Variants in ZNF90 observed in about 807,000 individuals in gnomAD.
The protein encoded by ZNF90 is zinc finger protein HTF9.
Under a neutral mutation model 12.0 loss-of-function variants are expected in ZNF90, and 11 were observed. The observed-to-expected ratio is 0.92, with a 90% confidence interval of 0.58 to 1.52. ZNF90 has a LOEUF of 1.52. Among genes scored for constraint, ZNF90 ranks in the 40% most tolerant of loss-of-function variants. The pLI, the probability that ZNF90 is intolerant of heterozygous loss-of-function variation, is 0.00. For missense variants in ZNF90, 765 were observed against 711.5 expected (o/e 1.08, Z -0.86); for synonymous variants, 232 against 240.1 (o/e 0.97, Z 0.31).
rs781993351 is a variant in ZNF90, at chr19:20,119,274, T to G, written c.1720T>G (p.Phe574Val). ...CAAATGTGAAGAATGTGGCAAAGCT[T>G]TTAACTTGTCCTCAGACCTTAATAC... The part of the protein sequence containing the change: ...PYKCEECGKA[F>V]NLSSDLNTHK... Residue 574 changes from phenylalanine (F) to valine (V), a missense_variant, in exon 4 of 4, where the codon TTT becomes GTT. Phe to Val is a conservative substitution (Grantham distance 50). Transcript: ENST00000418063. 3.7e-6 allele frequency: 6 copies of G among 1,613,684 alleles called. No individual in the cohort carries two copies. The East Asian group carries it at 1.1e-4, about 30-fold the overall frequency.
intron 1 of ZNF90, among the ~76,000 whole-genome samples, chr19:20,099,483 G>C (rs1344949935): frequency 6.6e-6 from 1 of 152,182 alleles, no homozygotes; most frequent in Non-Finnish European, 1.5e-5. Flanking sequence ...TTCCTCCTAG[G>C]TCAGCTCAGA....
rs2089189956 is a variant in ZNF90, at chr19:20,120,975, A to G, written c.*1615A>G. On this transcript the variant is annotated 3_prime_UTR_variant, in exon 4 of 4. Transcript: ENST00000418063. Reference sequence around the variant, plus strand: ...TTAAAGAGAAAGGATATTAAAATGTAAGATGCATGATGAAAATATAAGTGG... The same window carrying G: ...TTAAAGAGAAAGGATATTAAAATGTGAGATGCATGATGAAAATATAAGTGG... The G allele has an allele frequency of 6.6e-6, 1 of 152,610 alleles. No homozygotes were observed. Among genetic ancestry groups the G allele is most frequent in the Non-Finnish European group, 1.5e-5 (1 of 68,274 alleles). The allele number at this position is 152,610 out of a possible 1,614,324, so 9.5% of individuals were successfully genotyped here.
chr19:20,094,559 G>A (rs2088927602), intron 1 of ZNF90, among the ~76,000 whole-genome samples: 1 of 152,142 alleles, frequency 6.6e-6, no homozygotes, highest in South Asian at 2.1e-4. Context: ...ATCTCGCCTA[G>A]CTATACCTGG....
chr19:20,120,271 G>A lies in ZNF90; in HGVS notation c.*911G>A, dbSNP rs782264891. On this transcript the variant is annotated 3_prime_UTR_variant, in exon 4 of 4. Coordinates refer to ENST00000418063, the MANE Select transcript of ZNF90 (RefSeq NM_007138.2). Reference sequence around the variant, plus strand: ...AGAAGGTGGTTCACAGTTAATGAAAGCATTTAAAGTGCAATTATGCTCAAG... The same window carrying A: ...AGAAGGTGGTTCACAGTTAATGAAAACATTTAAAGTGCAATTATGCTCAAG... 2.0e-5 allele frequency among the ~76,000 whole-genome samples: 3 copies of A among 152,176 alleles called. No individual in the cohort carries two copies. Among genetic ancestry groups the A allele is most frequent in the Non-Finnish European group, 4.4e-5 (3 of 68,030 alleles).
intron 1 of ZNF90, chr19:20,087,044 A>G (rs2088864911): frequency 6.6e-6 from 1 of 152,212 alleles, no homozygotes; most frequent in African/African-American, 2.4e-5. Flanking sequence ...TGTCAGATGT[A>G]TTTCAATATA....
At chr19:20,113,399 G>T (rs1445105051) in intron 3 of ZNF90, among the ~76,000 whole-genome samples, 1 of 151,988 alleles carries the variant, frequency 6.6e-6, no homozygotes, top group Non-Finnish European at 1.5e-5. Flanking sequence ...CACTATGTTG[G>T]TCAGGCTGGT....
chr19:20,087,509 C>G (rs1229439934), intron 1 of ZNF90: 1 of 152,216 alleles, frequency 6.6e-6, no homozygotes, highest in Non-Finnish European at 1.5e-5. Context: ...ATTTCCATTA[C>G]TGTGAAGGTG....
intron 3 of ZNF90, chr19:20,117,546 T>A: frequency 2.1e-6 from 2 of 973,942 alleles, no homozygotes; most frequent in African/African-American, 3.5e-5. Flanking sequence ...CAAGCAATTC[T>A]CTGCCTCAGC....
At position 20,120,115 on chromosome 19, in the gene ZNF90, G is replaced by T. The variant is rs146590659; in HGVS notation, c.*755G>T. On this transcript the variant is annotated 3_prime_UTR_variant, in exon 4 of 4. Coordinates refer to ENST00000418063, the MANE Select transcript of ZNF90 (RefSeq NM_007138.2). ...ATACTGGCAAAACTCCTACAAGTGTGAAGAATGTGGGAAAACTTTTTAATC... is the reference window on the plus strand; with the variant it reads ...ATACTGGCAAAACTCCTACAAGTGTTAAGAATGTGGGAAAACTTTTTAATC... Among the ~76,000 whole-genome samples, 179 of 152,348 alleles carry T rather than the reference G, an allele frequency of 1.2e-3. 5 individuals carry two copies. Among genetic ancestry groups the T allele is most frequent in the South Asian group, 0.011 (54 of 4,830 alleles).
intron 1 of ZNF90, among the ~76,000 whole-genome samples, chr19:20,079,469 A>C (rs1176180841): frequency 6.6e-6 from 1 of 151,770 alleles, no homozygotes; most frequent in African/African-American, 2.4e-5. Context: ...AATGAATTCC[A>C]AAAACATATT....
chr19:20,101,799 C>G (rs1332415576), intron 1 of ZNF90, among the ~76,000 whole-genome samples: 1 of 152,178 alleles, frequency 6.6e-6, no homozygotes, highest in East Asian at 1.9e-4. Context: ...GTAAACATGT[C>G]TCAGATGCAG....
At chr19:20,104,197 C>A in intron 1 of ZNF90, 42 bp from the exon 2 acceptor site, 1 of 1,608,166 alleles carries the variant, frequency 6.2e-7, no homozygotes, top group Non-Finnish European at 8.5e-7. Context: ...TTGCCCATGA[C>A]CACTTGGTAA....
intron 1 of ZNF90, among the ~76,000 whole-genome samples, chr19:20,101,217 G>A (rs11671081): frequency 0.041 from 6,221 of 152,288 alleles, 184 homozygotes; most frequent in Non-Finnish European, 0.066. Flanking sequence ...GCATGGCTAA[G>A]TGCTCGGGTT....
At chr19:20,114,438 A>G (rs1397948614) in intron 3 of ZNF90, among the ~76,000 whole-genome samples, 1 of 152,154 alleles carries the variant, frequency 6.6e-6, no homozygotes, top group Non-Finnish European at 1.5e-5. Flanking sequence ...CAAACACCAC[A>G]TTGTTTTCTG....
intron 1 of ZNF90, among the ~76,000 whole-genome samples, chr19:20,091,962 A>T (rs1195265046): frequency 6.6e-6 from 1 of 152,092 alleles, no homozygotes; most frequent in African/African-American, 2.4e-5. Flanking sequence ...TTTGCTGGTG[A>T]GTGGTGATTA....
intron 1 of ZNF90, among the ~76,000 whole-genome samples, chr19:20,096,603 A>T (rs922401129): frequency 6.6e-6 from 1 of 152,118 alleles, no homozygotes; most frequent in Non-Finnish European, 1.5e-5. Context: ...TCACAAGGTA[A>T]TGTCATCAGT....
chr19:20,078,216 C>T, intron 1 of ZNF90, 81 bp downstream of exon 1: 1 of 1,571,794 alleles, frequency 6.4e-7, no homozygotes, highest in Admixed American at 1.7e-5. Flanking sequence ...GGGACTTAGG[C>T]CTCCCCGCAG....
intron 3 of ZNF90, among the ~76,000 whole-genome samples, chr19:20,113,266 A>G (rs782672350): frequency 1.3e-5 from 2 of 151,422 alleles, no homozygotes; most frequent in Non-Finnish European, 2.9e-5. Context: ...TCAGCTCACT[A>G]TACAACCTCT....
At chr19:20,085,384 C>T (rs371153566) in intron 1 of ZNF90, among the ~76,000 whole-genome samples, 21 of 151,636 alleles carry the variant, frequency 1.4e-4, no homozygotes, top group East Asian at 1.4e-3. Flanking sequence ...CTCAGCCTCC[C>T]GAATAGCTGG....
Sources: allele counts gnomAD v4.1 joint callset (sites outside exome capture counted in the v4.1 genomes callset), GRCh38; gene constraint gnomAD v4.1.1; transcripts MANE v1.5; gene names NCBI Gene and HGNC (gene_info 2026-07-23, HGNC 2026-07-21).